Variants in LINGO2 observed in about 807,000 individuals in gnomAD.
LINGO2 encodes leucine-rich repeat and immunoglobulin-like domain-containing nogo receptor-interacting protein 2.
Under a neutral mutation model 30.6 loss-of-function variants are expected in LINGO2, and 14 were observed. The observed-to-expected ratio is 0.46, with a 90% CI of 0.30 to 0.72. The LOEUF (loss-of-function observed/expected upper bound fraction) is 0.72. Among genes scored for constraint, LINGO2 ranks in the 30% least tolerant of loss-of-function variants. The pLI, the probability that LINGO2 is intolerant of heterozygous loss-of-function variation, is 0.07. For missense variants in LINGO2, 729 were observed against 751.7 expected, an observed-to-expected ratio of 0.97 and a Z score of 0.35; for synonymous variants, 317 against 288.5, an observed-to-expected ratio of 1.10 and a Z score of -1.00.
the LINGO2 span, among the ~76,000 whole-genome samples, chr9:28,874,711 G>C: frequency 6.6e-6 from 1 of 151,900 alleles, no homozygotes; most frequent in Admixed American, 6.6e-5. Flanking sequence ...GAAGACTTTG[G>C]GTTTTAGATA....
At chr9:28,043,753 G>A (rs931299467) in intron 4 of LINGO2, among the ~76,000 whole-genome samples, 2 of 152,014 alleles carry the variant, frequency 1.3e-5, no homozygotes, top group Admixed American at 6.6e-5. Context: ...CACATTACAT[G>A]GAAACAATCC....
chr9:29,033,166 C>T, the LINGO2 span, among the ~76,000 whole-genome samples: 2 of 152,012 alleles, frequency 1.3e-5, no homozygotes, highest in Admixed American at 6.6e-5. Context: ...AAATTACCAG[C>T]TCATGTGAAC....
At chr9:28,192,407 T>G (rs563257657) in intron 4 of LINGO2, among the ~76,000 whole-genome samples, 2 of 152,254 alleles carry the variant, frequency 1.3e-5, no homozygotes, top group East Asian at 3.9e-4. Flanking sequence ...CATAAGCAAC[T>G]TTCTTCAGAA....
the LINGO2 span, among the ~76,000 whole-genome samples, chr9:28,759,362 T>C: frequency 6.6e-6 from 1 of 151,986 alleles, no homozygotes; most frequent in Non-Finnish European, 1.5e-5. Flanking sequence ...TCTGGGTAGA[T>C]TGCTGAAGGA....
chr9:27,946,781 G>C (rs1307095757), downstream of LINGO2, among the ~76,000 whole-genome samples: 1 of 152,072 alleles, frequency 6.6e-6, no homozygotes, highest in African/African-American at 2.4e-5. Flanking sequence ...ATCTATGATA[G>C]TCATCAGAAA....
At chr9:28,075,996 T>C (rs1395168486) in intron 4 of LINGO2, among the ~76,000 whole-genome samples, 2 of 152,074 alleles carry the variant, frequency 1.3e-5, no homozygotes, top group Non-Finnish European at 1.5e-5. Flanking sequence ...TTAACAATTA[T>C]TCTAGCAATA....
the LINGO2 span, among the ~76,000 whole-genome samples, chr9:28,794,705 G>A: frequency 6.6e-6 from 1 of 152,104 alleles, no homozygotes; most frequent in Non-Finnish European, 1.5e-5. Flanking sequence ...TTGTCTAAAT[G>A]CTTTCTCAAC....
At chr9:28,066,620 T>C (rs1326080348) in intron 4 of LINGO2, among the ~76,000 whole-genome samples, 1 of 152,050 alleles carries the variant, frequency 6.6e-6, no homozygotes, top group African/African-American at 2.4e-5. Flanking sequence ...GAACTGTCAT[T>C]AAATGATAAG....
chr9:27,989,314 A>T (rs1821274763), intron 5 of LINGO2, among the ~76,000 whole-genome samples: 2 of 151,952 alleles, frequency 1.3e-5, no homozygotes, highest in Non-Finnish European at 1.5e-5. Context: ...TTCATTTTTG[A>T]TTGCCTAGTT....
intron 3 of LINGO2, among the ~76,000 whole-genome samples, chr9:28,321,508 G>T (rs1250416647): frequency 6.6e-6 from 1 of 152,180 alleles, no homozygotes; most frequent in Non-Finnish European, 1.5e-5. Flanking sequence ...TTGATGTGCT[G>T]TATTAGTTAA....
chr9:28,233,957 G>T (rs1025742681), intron 4 of LINGO2, among the ~76,000 whole-genome samples: 1 of 152,168 alleles, frequency 6.6e-6, no homozygotes, highest in Non-Finnish European at 1.5e-5. Flanking sequence ...TAAGCCATTG[G>T]CCTTGGGCTT....
intron 1 of LINGO2, among the ~76,000 whole-genome samples, chr9:28,478,282 T>A (rs1825801573): frequency 6.6e-6 from 1 of 152,156 alleles, no homozygotes; most frequent in African/African-American, 2.4e-5. Context: ...GTTTTTTTCC[T>A]ATCTGAATCA....
intron 1 of LINGO2, among the ~76,000 whole-genome samples, chr9:28,640,534 G>GT (rs1160535728): frequency 7.5e-6 from 1 of 133,558 alleles, no homozygotes; most frequent in Admixed American, 7.5e-5. Flanking sequence ...TTTTTTAATT[G>GT]TTTTTTCTCT....
intron 4 of LINGO2, among the ~76,000 whole-genome samples, chr9:28,266,634 T>C (rs931186452): frequency 2.6e-5 from 4 of 152,034 alleles, no homozygotes; most frequent in African/African-American, 9.7e-5. Flanking sequence ...CTCATTTTTT[T>C]CCTAATATCG....
intron 3 of LINGO2, among the ~76,000 whole-genome samples, chr9:28,311,054 G>A (rs779314391): frequency 9.9e-5 from 15 of 151,980 alleles, no homozygotes; most frequent in Non-Finnish European, 2.1e-4. Flanking sequence ...AGTGTCAGCC[G>A]GTCTGAGAAA....
chr9:28,270,352 GT>G (rs1822896970), intron 4 of LINGO2, among the ~76,000 whole-genome samples: 1 of 151,992 alleles, frequency 6.6e-6, no homozygotes, highest in Non-Finnish European at 1.5e-5. Context: ...TTCCAGATCA[GT>G]GGGAGGAGGC....
At chr9:28,965,110 A>C in the LINGO2 span, among the ~76,000 whole-genome samples, 3 of 151,980 alleles carry the variant, frequency 2.0e-5, no homozygotes, top group East Asian at 5.8e-4. Context: ...TAAAGAGTAG[A>C]AATGACATGC....
At chr9:28,870,037 A>C in the LINGO2 span, among the ~76,000 whole-genome samples, 2 of 151,936 alleles carry the variant, frequency 1.3e-5, no homozygotes, top group Non-Finnish European at 2.9e-5. Flanking sequence ...AAAAAAACCC[A>C]TAACATGCAT....
At chr9:28,632,711 T>C (rs569560600) in intron 1 of LINGO2, among the ~76,000 whole-genome samples, 2 of 138,166 alleles carry the variant, frequency 1.4e-5, no homozygotes, top group African/African-American at 5.4e-5. Context: ...TATATATTTA[T>C]ATATAGATCT....
Sources: gnomAD v4.1 joint callset for allele counts (sites outside exome capture counted in the v4.1 genomes callset) on GRCh38, gnomAD v4.1.1 for gene constraint, MANE v1.5 for transcripts, NCBI Gene and HGNC (gene_info 2026-07-23, HGNC 2026-07-21) for gene names.